The following RAPGEF6 variants were observed in gnomAD, a reference collection of about 807,000 sequenced individuals.
RAPGEF6 encodes PDZ domain containing guanine nucleotide exchange factor (GEF) 2.
RAPGEF6 carries 56 observed loss-of-function variants against 171.4 expected under a neutral mutation model. The observed-to-expected ratio is 0.33, with a 90% confidence interval of 0.26 to 0.41. The LOEUF is 0.41. Among genes scored for constraint, RAPGEF6 ranks in the 10% least tolerant of loss-of-function variants. The pLI, the probability that RAPGEF6 is intolerant of heterozygous loss-of-function variation, is 1.00. For missense variants in RAPGEF6, 1,674 were observed against 1,921.4 expected (o/e 0.87, Z 2.41); for synonymous variants, 692 against 650.1 (o/e 1.06, Z -0.98).
At chr5:131,516,998 T>C (rs965084423) in intron 7 of RAPGEF6, among the ~76,000 whole-genome samples, 2 of 152,184 alleles carry the variant, frequency 1.3e-5, no homozygotes, top group Non-Finnish European at 2.9e-5. Context: ...GTAAACAGTT[T>C]TCCTGTTAAG....
intron 6 of RAPGEF6, among the ~76,000 whole-genome samples, chr5:131,531,029 A>C (rs1434076982): frequency 6.6e-6 from 1 of 152,184 alleles, no homozygotes; most frequent in Admixed American, 6.5e-5. Flanking sequence ...GCTTCTTTTC[A>C]TCTATTTACA....
intron 3 of RAPGEF6, among the ~76,000 whole-genome samples, chr5:131,599,871 A>G (rs938501802): frequency 1.3e-5 from 2 of 152,250 alleles, no homozygotes; most frequent in Non-Finnish European, 2.9e-5. Context: ...AAAATCAAAC[A>G]TAGAGAAATG....
At chr5:131,440,506 G>C in intron 23 of RAPGEF6, among the ~76,000 whole-genome samples, 1 of 152,078 alleles carries the variant, frequency 6.6e-6, no homozygotes, top group East Asian at 1.9e-4. Flanking sequence ...GGGAGGCTGA[G>C]GTGGGTGGAT....
chr5:131,548,813 A>G (rs1341749289), intron 5 of RAPGEF6, among the ~76,000 whole-genome samples: 1 of 152,178 alleles, frequency 6.6e-6, no homozygotes, highest in Non-Finnish European at 1.5e-5. Flanking sequence ...GAAAAACCCA[A>G]AGATATTAGT....
At chr5:131,585,575 C>A (rs941071888) in intron 4 of RAPGEF6, among the ~76,000 whole-genome samples, 1 of 152,170 alleles carries the variant, frequency 6.6e-6, no homozygotes, top group Non-Finnish European at 1.5e-5. Flanking sequence ...CCTGTAATCC[C>A]AGCATTTTGG....
At position 131,591,860 on chromosome 5, in the gene RAPGEF6, A is replaced by AT. The variant is rs758222943; in HGVS notation, c.281+522dup. On this transcript the variant is annotated intron_variant, in intron 4 of 27. Transcript: ENST00000509018. ...TCAGATCAAATCGTACATAAAACTAATTTTTTTTTCTTTGGAGATGGAGTT... is the reference window on the plus strand; with the variant it reads ...TCAGATCAAATCGTACATAAAACTAATTTTTTTTTTCTTTGGAGATGGAGTT... Among the ~76,000 whole-genome samples the AT allele has an allele frequency of 6.6e-5, 10 of 151,720 alleles. 1 individual carries two copies. Among genetic ancestry groups the AT allele is most frequent in the South Asian group, 4.2e-4 (2 of 4,788 alleles).
At chr5:131,459,175 T>TG (rs1753727225) in intron 19 of RAPGEF6, among the ~76,000 whole-genome samples, 1 of 152,180 alleles carries the variant, frequency 6.6e-6, no homozygotes. Flanking sequence ...CAAATATGTG[T>TG]TAGATTTCAG....
chr5:131,489,716 A>G (rs911480414), intron 14 of RAPGEF6, 62 bp from the exon 15 acceptor site: 3 of 871,036 alleles, frequency 3.4e-6, no homozygotes, highest in Admixed American at 6.6e-5. Flanking sequence ...CTACAACCTT[A>G]AAAGTTTAAT....
intron 19 of RAPGEF6, among the ~76,000 whole-genome samples, chr5:131,458,018 A>C (rs1335351396): frequency 6.6e-6 from 1 of 152,232 alleles, no homozygotes; most frequent in Non-Finnish European, 1.5e-5. Context: ...TAGAATACTT[A>C]GGCAGAAACC....
intron 7 of RAPGEF6, among the ~76,000 whole-genome samples, chr5:131,513,834 C>G (rs1412847893): frequency 6.6e-6 from 1 of 152,104 alleles, no homozygotes; most frequent in Non-Finnish European, 1.5e-5. Context: ...ACGGAGAAAC[C>G]CTGTCTCTAC....
At chr5:131,597,896 G>A (rs553818711) in intron 3 of RAPGEF6, among the ~76,000 whole-genome samples, 8 of 152,146 alleles carry the variant, frequency 5.3e-5, no homozygotes, top group Non-Finnish European at 1.0e-4. Context: ...TTAAATGTAT[G>A]AGGTGATGGA....
intron 4 of RAPGEF6, among the ~76,000 whole-genome samples, chr5:131,569,205 G>A (rs988427490): frequency 3.3e-5 from 5 of 152,024 alleles, no homozygotes; most frequent in Non-Finnish European, 7.4e-5. Context: ...CAGGCTTTAC[G>A]GTATAAATTG....
intron 5 of RAPGEF6, among the ~76,000 whole-genome samples, chr5:131,560,434 A>C (rs1389849456): frequency 6.6e-6 from 1 of 152,246 alleles, no homozygotes; most frequent in Non-Finnish European, 1.5e-5. Context: ...TAAAGTATGT[A>C]AAACAAGCAC....
chr5:131,557,811 C>A (rs1378368787), intron 5 of RAPGEF6, among the ~76,000 whole-genome samples: 1 of 152,126 alleles, frequency 6.6e-6, no homozygotes, highest in Non-Finnish European at 1.5e-5. Context: ...TAGTGAATCA[C>A]ACATTCAAAT....
intron 1 of RAPGEF6, among the ~76,000 whole-genome samples, chr5:131,620,270 T>C (rs1026135362): frequency 6.6e-6 from 1 of 152,206 alleles, no homozygotes; most frequent in Non-Finnish European, 1.5e-5. Flanking sequence ...TCCACATCCA[T>C]AGCTTCAACT....
chr5:131,450,316 T>C (rs1289256896), intron 21 of RAPGEF6, among the ~76,000 whole-genome samples: 4 of 152,176 alleles, frequency 2.6e-5, no homozygotes, highest in African/African-American at 9.7e-5. Flanking sequence ...ATCAGGAAGC[T>C]TATATAAATA....
At chr5:131,482,170 C>A (rs763597569) in intron 15 of RAPGEF6, among the ~76,000 whole-genome samples, 15 of 152,184 alleles carry the variant, frequency 9.9e-5, no homozygotes, top group Admixed American at 9.2e-4. Flanking sequence ...ATGATGGAGA[C>A]TTTTTAGAAG....
At chr5:131,573,144 C>T (rs912024032) in intron 4 of RAPGEF6, among the ~76,000 whole-genome samples, 6 of 152,048 alleles carry the variant, frequency 3.9e-5, no homozygotes, top group Admixed American at 1.3e-4. Flanking sequence ...CTCCCCTGGC[C>T]GCACCTTGCC....
At chr5:131,490,635 G>A (rs1163332273) in intron 14 of RAPGEF6, among the ~76,000 whole-genome samples, 2 of 152,156 alleles carry the variant, frequency 1.3e-5, no homozygotes, top group Non-Finnish European at 2.9e-5. Flanking sequence ...ATAACTTTCT[G>A]TGACTTTAGT....
Sources: allele counts gnomAD v4.1 joint callset (sites outside exome capture counted in the v4.1 genomes callset), GRCh38; gene constraint gnomAD v4.1.1; transcripts MANE v1.5; gene names NCBI Gene and HGNC (gene_info 2026-07-23, HGNC 2026-07-21).